ZC3H13: variants seen among roughly 807,000 people sequenced by gnomAD.
The protein encoded by ZC3H13 is zinc finger CCCH domain-containing protein 13.
In ZC3H13, 64 loss-of-function variants were observed where a neutral mutation model predicts 204.1. The ratio of observed to expected loss-of-function variants is 0.31; its 90% CI spans 0.26 to 0.39. The LOEUF (loss-of-function observed/expected upper bound fraction) is 0.39, where lower values mean the gene tolerates loss of function less well. Among genes scored for constraint, ZC3H13 ranks in the 10% least tolerant of loss-of-function variants. The pLI is 1.00. For synonymous variants in ZC3H13, 667 were observed against 693.7 expected (o/e 0.96, Z 0.60); for missense variants, 1,833 against 2,082.7 (o/e 0.88, Z 2.33).
At chr13:46,049,672 C>T (rs530172666) in intron 1 of ZC3H13, among the ~76,000 whole-genome samples, 1 of 152,184 alleles carries the variant, frequency 6.6e-6, no homozygotes, top group East Asian at 1.9e-4. Flanking sequence ...ATTTTCAATC[C>T]TATTTAAAAC....
intron 4 of ZC3H13, among the ~76,000 whole-genome samples, chr13:46,041,003 C>T (rs2043542007): frequency 6.6e-6 from 1 of 152,100 alleles, no homozygotes; most frequent in Admixed American, 6.5e-5. Context: ...GATACAGCCA[C>T]TTAATGAAAG....
At chr13:46,034,577 T>C (rs1339090031) in intron 4 of ZC3H13, among the ~76,000 whole-genome samples, 2 of 151,322 alleles carry the variant, frequency 1.3e-5, no homozygotes, top group African/African-American at 4.9e-5. Context: ...TTATCAGGAG[T>C]GAGTTTGGGA....
rs375043390 is a variant in ZC3H13 at position 45,970,420 on chromosome 13, C to T, written c.2514G>A (p.Pro838=). Residue 838 remains proline, a synonymous_variant, in exon 13 of 19, where the codon CCG becomes CCA. Transcript: ENST00000679008. ...NEGSPSPRQS[P]KRRREHSPDS... ...CCGGAGAATGTTCACGCCGGCGCTT[C>T]GGGGACTGTCTAGGGCTGGGACTCC... 2.1e-5 allele frequency: 34 copies of T among 1,613,940 alleles called. No homozygotes were observed. Among genetic ancestry groups the T allele is most frequent in the African/African-American group, 4.0e-5 (3 of 75,020 alleles).
intron 4 of ZC3H13, among the ~76,000 whole-genome samples, chr13:46,041,022 T>C (rs2043543648): frequency 6.6e-6 from 1 of 151,976 alleles, no homozygotes; most frequent in Non-Finnish European, 1.5e-5. Context: ...AGTCTAGAAG[T>C]TCATTAAAAG....
chr13:46,040,348 A>C lies in ZC3H13; in HGVS notation c.339+1816T>G, dbSNP rs566074780. On this transcript the variant is annotated intron_variant, in intron 4 of 18. Transcript: ENST00000679008. ...TCCTTGATTCAGTTACAATTCAGTA[A>C]CTTTCATAAAAAGACTATAATAGAG... is the stretch of plus-strand genomic sequence containing the variant. Among the ~76,000 whole-genome samples, 4 of 152,296 alleles carry C rather than the reference A, an allele frequency of 2.6e-5. No individual in the cohort carries two copies. The South Asian group carries it at 8.3e-4, about 32-fold the overall frequency.
At chr13:46,026,461 A>C (rs956049675) in intron 4 of ZC3H13, among the ~76,000 whole-genome samples, 3 of 152,082 alleles carry the variant, frequency 2.0e-5, no homozygotes, top group African/African-American at 7.2e-5. Flanking sequence ...CAAAGAATAG[A>C]TGTTTTATAT....
chr13:45,985,156 A>G (rs1954063294), intron 10 of ZC3H13, 141 bp downstream of exon 10: 10 of 946,086 alleles, frequency 1.1e-5, no homozygotes, highest in Non-Finnish European at 1.5e-5. Flanking sequence ...TTAGGAATTT[A>G]TAAGGAAGAC....
In ZC3H13 at chr13:45,962,446, G is replaced by C. The variant is rs1328813804; in HGVS notation, c.4675+1396C>G. 3 of 985,016 alleles carry C rather than the reference G, an allele frequency of 3.0e-6. No individual in the cohort carries two copies. The East Asian group carries it at 3.4e-4, about 112-fold the overall frequency. The allele number at this position is 985,016 out of a possible 1,614,324, so 61.0% of individuals were successfully genotyped here. On this transcript the variant is annotated intron_variant, in intron 17 of 18. Coordinates refer to ENST00000679008, the MANE Select transcript of ZC3H13 (RefSeq NM_001330564.2). ...ATCTTTAGAGGTGGGTAAGATTTTA[G>C]GGGTTTTATTCCATCACTTTACAAA...
intron 11 of ZC3H13, among the ~76,000 whole-genome samples, chr13:45,978,424 G>A (rs1953253135): frequency 6.6e-6 from 1 of 151,984 alleles, no homozygotes; most frequent in Admixed American, 6.6e-5. Context: ...ATAGAGAACT[G>A]AACTTCTGGT....
At chr13:46,020,721 G>T (rs1316597446) in intron 4 of ZC3H13, among the ~76,000 whole-genome samples, 164 bp from the exon 5 acceptor site, 1 of 151,958 alleles carries the variant, frequency 6.6e-6, no homozygotes, top group Non-Finnish European at 1.5e-5. Flanking sequence ...ACAAATTCTA[G>T]TTTAGCACCA....
At position 45,985,284 on chromosome 13, in the gene ZC3H13, T is replaced by A. The variant is rs375990477; in HGVS notation, c.1720+13A>T. The A allele has an allele frequency of 6.3e-7, 1 of 1,597,704 alleles. No individual in the cohort carries two copies. Among genetic ancestry groups the A allele is most frequent in the Non-Finnish European group, 8.5e-7 (1 of 1,172,964 alleles). The stretch of plus-strand genomic sequence containing the variant: ...ATATAAGATATAGTTCATAGACAAG[T>A]CAAAAACCTTACCCTTTTCAGGTAA... On this transcript the variant is annotated intron_variant, in intron 10 of 18. Coordinates refer to ENST00000679008, the MANE Select transcript of ZC3H13 (RefSeq NM_001330564.2).
Position 45,970,376 on chromosome 13 carries a change from C to A in ZC3H13, c.2558G>T (p.Ser853Ile). The A allele has an allele frequency of 6.2e-7, 1 of 1,613,804 alleles. No homozygotes were observed. The highest frequency in any genetic ancestry group is 8.5e-7 in the Non-Finnish European group (1 of 1,179,790). The change falls in exon 13 of 19, where the codon AGT (serine) becomes ATT (isoleucine). Residue 853 changes from serine to isoleucine, a missense_variant. Physicochemically the swap from Ser to Ile is moderately radical, Grantham distance 142. This residue lies in a region of ZC3H13 where 1,574 missense variants were observed against 1,757.2 expected (regional missense o/e 0.90). Coordinates refer to ENST00000679008, the MANE Select transcript of ZC3H13 (RefSeq NM_001330564.2). The stretch of plus-strand genomic sequence containing the variant: ...AGTCTGCTTACTTTTATCATCTCCA[C>A]TGTTGTAGGCATCACTGTCCGGAGA... The part of the protein sequence containing the change: ...EHSPDSDAYN[S>I]GDDKNEKHRL...
At chr13:45,965,068 G>A (rs1255956102) in intron 16 of ZC3H13, among the ~76,000 whole-genome samples, 1 of 152,138 alleles carries the variant, frequency 6.6e-6, no homozygotes, top group Non-Finnish European at 1.5e-5. Flanking sequence ...TATTTTAAAT[G>A]AGGCCCTTTC....
At chr13:46,049,443 C>G (rs559245549) in intron 1 of ZC3H13, among the ~76,000 whole-genome samples, 1 of 152,080 alleles carries the variant, frequency 6.6e-6, no homozygotes, top group African/African-American at 2.4e-5. Flanking sequence ...CATGTAAAAA[C>G]TTCCACAAGT....
rs1481630784 is a variant in ZC3H13 at position 46,003,053 on chromosome 13, T to C, written c.944+86A>G. The stretch of plus-strand genomic sequence containing the variant: ...TTGTAAACAAAACTAAAAAACCCAA[T>C]ATGCTAATGCCCAACGGCTTCTGAA... On this transcript the variant is annotated intron_variant, in intron 8 of 18. Transcript: ENST00000679008. 17 of 1,383,128 alleles carry C rather than the reference T, an allele frequency of 1.2e-5. No homozygotes were observed. In the East Asian group the frequency reaches 3.0e-4, roughly 25 times the overall value. The allele number at this position is 1,383,128 out of a possible 1,614,324, so 85.7% of individuals were successfully genotyped here. A position where few individuals can be genotyped will look rare whatever the true frequency, so the allele number is the denominator to read the frequency against.
In ZC3H13 at chr13:45,979,840, G is replaced by A; in HGVS notation, c.1885C>T (p.Arg629Ter). 1 of 1,592,390 alleles carries A rather than the reference G, an allele frequency of 6.3e-7. No homozygotes were observed. The change falls in exon 11 of 19, where the codon CGA (arginine) becomes TGA (stop). Residue 629 changes from arginine (R) to a stop codon, truncating the protein, a stop_gained. Coordinates refer to ENST00000679008, the MANE Select transcript of ZC3H13 (RefSeq NM_001330564.2). LOFTEE classifies it high-confidence loss of function. ...DSSFERRHGE[R>*]DRRDNRERDQ... ...CTCTCTCTGTTGTCACGACGGTCTCGCTCTCCATGTCTTCTCTCAAAGGAA... is the reference window on the plus strand; with the variant it reads ...CTCTCTCTGTTGTCACGACGGTCTCACTCTCCATGTCTTCTCTCAAAGGAA...
At chr13:45,997,035 T>C (rs767481621) in intron 8 of ZC3H13, among the ~76,000 whole-genome samples, 1 of 152,154 alleles carries the variant, frequency 6.6e-6, no homozygotes, top group Non-Finnish European at 1.5e-5. Context: ...AAGTTTATTT[T>C]AAAAAAATAT....
chr13:46,013,347 G>C (rs1302490710), intron 5 of ZC3H13, among the ~76,000 whole-genome samples: 1 of 151,692 alleles, frequency 6.6e-6, no homozygotes, highest in Non-Finnish European at 1.5e-5. Flanking sequence ...CCGGGAGACG[G>C]AGGTTGCAGT....
At chr13:46,050,901 C>CAA (rs796913034) in intron 1 of ZC3H13, among the ~76,000 whole-genome samples, 29 of 145,468 alleles carry the variant, frequency 2.0e-4, no homozygotes, top group Non-Finnish European at 1.5e-4. Flanking sequence ...TACAAAAATA[C>CAA]AAAAAAAAAA....
Sources: gnomAD v4.1 joint callset for allele counts (sites outside exome capture counted in the v4.1 genomes callset) on GRCh38, gnomAD v4.1.1 for gene constraint, gnomAD v4.1.1 regional missense constraint, MANE v1.5 for transcripts, NCBI Gene and HGNC (gene_info 2026-07-23, HGNC 2026-07-21) for gene names.